ACTR3B: variants seen among roughly 807,000 people sequenced by gnomAD.
ACTR3B encodes actin-related protein 3B.
A neutral mutation model predicts 59.0 loss-of-function variants in ACTR3B; 8 were observed. The ratio of observed to expected loss-of-function variants is 0.14; its 90% confidence interval spans 0.08 to 0.24. The LOEUF (loss-of-function observed/expected upper bound fraction) is 0.24, where lower values mean the gene tolerates loss of function less well. ACTR3B is among the 10% of genes least tolerant of loss of function. The pLI, the probability that ACTR3B is intolerant of heterozygous loss-of-function variation, is 1.00. For synonymous variants in ACTR3B, 148 were observed against 197.9 expected, an observed-to-expected ratio of 0.75 and a Z score of 2.12; for missense variants, 245 against 552.3, an observed-to-expected ratio of 0.44 and a Z score of 5.58.
intron 1 of ACTR3B, among the ~76,000 whole-genome samples, chr7:152,764,287 G>A (rs3107858): frequency 6.6e-6 from 1 of 152,144 alleles, no homozygotes; most frequent in South Asian, 2.1e-4. Context: ...GATTACAGGA[G>A]TGAGGCACTG....
At chr7:152,773,787 G>C (rs1180756658) in intron 1 of ACTR3B, among the ~76,000 whole-genome samples, 1 of 152,158 alleles carries the variant, frequency 6.6e-6, no homozygotes, top group Non-Finnish European at 1.5e-5. Context: ...GAGAACCTTT[G>C]CTTTACACAT....
intron 5 of ACTR3B, 133 bp downstream of exon 5, chr7:152,814,778 C>G (rs962976714): frequency 1.6e-5 from 13 of 796,172 alleles, no homozygotes; most frequent in Non-Finnish European, 2.4e-5. Context: ...CCCCCGTCCC[C>G]ATGCCATTCA....
chr7:152,806,366 G>A (rs144509655), intron 4 of ACTR3B, among the ~76,000 whole-genome samples: 2 of 152,290 alleles, frequency 1.3e-5, no homozygotes, highest in Non-Finnish European at 2.9e-5. Context: ...TATTGTAAAT[G>A]TTCCCTTAAA....
At chr7:152,761,037 T>C (rs2098087794) in intron 1 of ACTR3B, among the ~76,000 whole-genome samples, 1 of 152,226 alleles carries the variant, frequency 6.6e-6, no homozygotes, top group African/African-American at 2.4e-5. Flanking sequence ...GTGCCTTCTT[T>C]AGTTTGCTAC....
intron 4 of ACTR3B, chr7:152,814,206 T>G (rs200219966): frequency 0.049 from 11,667 of 236,472 alleles, 823 homozygotes; most frequent in African/African-American, 0.17. Context: ...TCACTCGTCT[T>G]GGTTGTGTTT....
At chr7:152,770,771 T>C (rs1471167884) in intron 1 of ACTR3B, among the ~76,000 whole-genome samples, 1 of 136,814 alleles carries the variant, frequency 7.3e-6, no homozygotes, top group Non-Finnish European at 1.6e-5. Context: ...TTCAGTGTCA[T>C]TGTAAGCATG....
At chr7:152,813,060 A>G (rs1795397678) in intron 4 of ACTR3B, 1 of 86,834 alleles carries the variant, frequency 1.2e-5, no homozygotes, top group African/African-American at 4.3e-5. Flanking sequence ...GGAGAGAGAG[A>G]CTGATTTCTG....
intron 4 of ACTR3B, among the ~76,000 whole-genome samples, chr7:152,808,700 T>A (rs2098260090): frequency 1.3e-5 from 2 of 152,232 alleles, no homozygotes; most frequent in South Asian, 4.2e-4. Context: ...TTTATTTCAG[T>A]TATAATTATG....
chr7:152,794,496 G>A lies in ACTR3B; in HGVS notation c.101-6035G>A, dbSNP rs574631322. Among the ~76,000 whole-genome samples, 18 of 152,334 alleles carry A rather than the reference G, an allele frequency of 1.2e-4. No individual in the cohort carries two copies. The East Asian group carries it at 2.7e-3, about 23-fold the overall frequency. The stretch of plus-strand genomic sequence containing the variant: ...CTCCCACAGTGTTGGGATTACAGGC[G>A]TGAGCCACTGTGCCCGGCTATCTTT... On this transcript the variant is annotated intron_variant, in intron 2 of 11. Coordinates refer to ENST00000256001, the MANE Select transcript of ACTR3B (RefSeq NM_020445.6).
chr7:152,802,684 G>T (rs962260227), intron 4 of ACTR3B, among the ~76,000 whole-genome samples: 3 of 151,516 alleles, frequency 2.0e-5, no homozygotes, highest in Admixed American at 6.6e-5. Context: ...TTCATGTGAC[G>T]TAAGCTGCGT....
chr7:152,760,087 G>A (rs1397291211), intron 1 of ACTR3B, among the ~76,000 whole-genome samples, 161 bp downstream of exon 1: 1 of 152,158 alleles, frequency 6.6e-6, no homozygotes, highest in African/African-American at 2.4e-5. Context: ...TCCAAGCCTT[G>A]CCTTGACGTC....
intron 9 of ACTR3B, among the ~76,000 whole-genome samples, chr7:152,846,466 G>A (rs1798298301): frequency 6.9e-6 from 1 of 144,412 alleles, no homozygotes; most frequent in Non-Finnish European, 1.5e-5. Flanking sequence ...TGCCCGGGCT[G>A]TAGTCTGTAG....
chr7:152,812,019 C>CTTTGTTTTTTTTTTTT (rs1795287923), intron 4 of ACTR3B: 1 of 23,356 alleles, frequency 4.3e-5, no homozygotes, highest in Admixed American at 8.9e-4. Flanking sequence ...AAATAAAAGT[C>CTTTGTTTTTTTTTTTT]TTTTTTTTTT....
intron 9 of ACTR3B, among the ~76,000 whole-genome samples, chr7:152,837,000 A>G (rs940891144): frequency 1.3e-5 from 2 of 152,222 alleles, no homozygotes; most frequent in Non-Finnish European, 2.9e-5. Context: ...GCAAGACCCC[A>G]TCTCTACAAA....
rs573813081 is a variant in ACTR3B, at chr7:152,773,600, A to C, written c.45-9587A>C. ...ACTCTGTCTCTAAAAAAAAAGCAAA[A>C]GGATGGTTCAAAAATAAGCCAAGCA... On this transcript the variant is annotated intron_variant, in intron 1 of 11. Coordinates refer to ENST00000256001, the MANE Select transcript of ACTR3B (RefSeq NM_020445.6). 1.2e-4 allele frequency among the ~76,000 whole-genome samples: 19 copies of C among 152,298 alleles called. No individual in the cohort carries two copies. In the South Asian group the frequency reaches 3.5e-3, roughly 28 times the overall value.
At chr7:152,799,624 TA>T (rs1293001885) in intron 2 of ACTR3B, among the ~76,000 whole-genome samples, 1 of 152,256 alleles carries the variant, frequency 6.6e-6, no homozygotes, top group African/African-American at 2.4e-5. Context: ...TAAACAATTG[TA>T]ATTCATCCAG....
intron 1 of ACTR3B, among the ~76,000 whole-genome samples, chr7:152,777,564 A>C (rs182958947): frequency 2.3e-4 from 34 of 150,196 alleles, no homozygotes; most frequent in African/African-American, 8.1e-4. Context: ...ATTTCTGTCT[A>C]TTCATTTAGT....
At chr7:152,769,375 C>T (rs916448295) in intron 1 of ACTR3B, among the ~76,000 whole-genome samples, 5 of 152,036 alleles carry the variant, frequency 3.3e-5, no homozygotes, top group Non-Finnish European at 5.9e-5. Flanking sequence ...TTTTCTCAGC[C>T]GAGTTGTACT....
intron 2 of ACTR3B, among the ~76,000 whole-genome samples, chr7:152,797,199 C>G (rs1160906787): frequency 6.6e-6 from 1 of 152,100 alleles, no homozygotes; most frequent in Non-Finnish European, 1.5e-5. Context: ...CTCAAGTGAT[C>G]CTTTCAAGTA....
Sources: gnomAD v4.1 joint callset for allele counts (sites outside exome capture counted in the v4.1 genomes callset) on GRCh38, gnomAD v4.1.1 for gene constraint, MANE v1.5 for transcripts, NCBI Gene and HGNC (gene_info 2026-07-23, HGNC 2026-07-21) for gene names.